Variants in NCOA1 observed in about 807,000 individuals in gnomAD.
NCOA1 encodes the protein Hin-2 protein.
Under a neutral mutation model 150.9 loss-of-function variants are expected in NCOA1, and 35 were observed. The observed-to-expected ratio is 0.23, with a 90% confidence interval of 0.18 to 0.31. The LOEUF is 0.31. Ranked by LOEUF, NCOA1 falls within the 10% of genes least tolerant of loss-of-function variation. The pLI is 1.00. For missense variants in NCOA1, 1,491 were observed against 1,749.3 expected, an observed-to-expected ratio of 0.85 and a Z score of 2.63; for synonymous variants, 590 against 630.0, an observed-to-expected ratio of 0.94 and a Z score of 0.95.
At chr2:24,583,435 A>T (rs551651037) in intron 2 of NCOA1, among the ~76,000 whole-genome samples, 113 of 152,294 alleles carry the variant, frequency 7.4e-4, no homozygotes, top group African/African-American at 2.7e-3. Flanking sequence ...GGGCACTCAT[A>T]CACTATTTGT....
intron 9 of NCOA1, among the ~76,000 whole-genome samples, 168 bp from the exon 10 acceptor site, chr2:24,693,084 G>A (rs944018182): frequency 2.0e-5 from 3 of 152,144 alleles, no homozygotes; most frequent in African/African-American, 7.2e-5. Flanking sequence ...GCATGGTCTC[G>A]ATCTTGTGAT....
At chr2:24,548,328 C>T (rs530260916) in intron 1 of NCOA1, among the ~76,000 whole-genome samples, 6 of 152,318 alleles carry the variant, frequency 3.9e-5, no homozygotes, top group South Asian at 2.1e-4. Flanking sequence ...TTCACTACCA[C>T]GAGAACAGCA....
At chr2:24,547,721 G>A (rs1665658586) in intron 1 of NCOA1, among the ~76,000 whole-genome samples, 1 of 151,912 alleles carries the variant, frequency 6.6e-6, no homozygotes, top group African/African-American at 2.4e-5. Context: ...AGGTGCAATG[G>A]CTCATGCCTG....
At chr2:24,584,208 T>TA (rs201472368) in intron 2 of NCOA1, among the ~76,000 whole-genome samples, 2,222 of 152,282 alleles carry the variant, frequency 0.015, 17 homozygotes, top group Non-Finnish European at 0.023. Flanking sequence ...TTTCAAATGA[T>TA]AAAAAAGAAG....
chr2:24,502,975 G>T (rs1184786321), intron 1 of NCOA1, among the ~76,000 whole-genome samples: 3 of 152,148 alleles, frequency 2.0e-5, no homozygotes, highest in Non-Finnish European at 4.4e-5. Flanking sequence ...CCTGTCTCCT[G>T]TATTAGGGTA....
intron 3 of NCOA1, among the ~76,000 whole-genome samples, chr2:24,640,623 GA>G (rs1465510347): frequency 3.9e-5 from 6 of 152,174 alleles, no homozygotes; most frequent in Middle Eastern, 3.4e-3. Context: ...GCCTGGGCAA[GA>G]CCCCATCTCT....
chr2:24,741,826 C>G lies in NCOA1; in HGVS notation c.3346C>G (p.Leu1116Val), dbSNP rs1392157505. The G allele has an allele frequency of 3.7e-6, 6 of 1,614,156 alleles. No individual in the cohort carries two copies. In the East Asian group the frequency reaches 1.3e-4, roughly 36 times the overall value. ...AATGTTGGCACAACGTCAGCGGGAA[C>G]TGTACAGTCAACAGCACCGACAGAG... The part of the protein sequence containing the change: ...AQMLAQRQRE[L>V]YSQQHRQRQL... The change falls in exon 19 of 23, where the codon CTG becomes GTG. Residue 1116 changes from leucine (L) to valine (V), a missense_variant. Transcript: ENST00000348332.
chr2:24,548,435 A>C (rs570870903), intron 1 of NCOA1, among the ~76,000 whole-genome samples: 1 of 152,330 alleles, frequency 6.6e-6, no homozygotes, highest in East Asian at 1.9e-4. Context: ...ACACAGTCAA[A>C]CCATATCATT....
chr2:24,523,335 A>C (rs1204373723), intron 1 of NCOA1, among the ~76,000 whole-genome samples: 1 of 152,016 alleles, frequency 6.6e-6, no homozygotes, highest in African/African-American at 2.4e-5. Context: ...GGCCGGGAGC[A>C]GTGGCTCACG....
In NCOA1 at chr2:24,708,196, A is replaced by G. The variant is rs151143792; in HGVS notation, c.2418+308A>G. On this transcript the variant is annotated intron_variant, in intron 13 of 22. Transcript: ENST00000348332. ...CTGCCCCTCTCTCCCAGCCCTACCT[A>G]TTGAATCTAACTCTCTAGGAATAAA... is the stretch of plus-strand genomic sequence containing the variant. Among the ~76,000 whole-genome samples the G allele has an allele frequency of 2.6e-5, 4 of 152,282 alleles. No homozygotes were observed. The East Asian group carries it at 5.8e-4, about 22-fold the overall frequency.
intron 3 of NCOA1, among the ~76,000 whole-genome samples, chr2:24,598,699 A>G (rs936024070): frequency 2.6e-5 from 4 of 152,080 alleles, no homozygotes; most frequent in African/African-American, 9.7e-5. Context: ...AAAACAAAAA[A>G]CTTCTAGGAG....
chr2:24,595,882 T>G (rs1028888485), intron 3 of NCOA1, among the ~76,000 whole-genome samples: 1 of 152,184 alleles, frequency 6.6e-6, no homozygotes, highest in Non-Finnish European at 1.5e-5. Context: ...TGTGATACTG[T>G]GTCATCTCTT....
chr2:24,762,845 A>G (rs548321158), intron 22 of NCOA1, 69 bp downstream of exon 22: 20 of 1,379,236 alleles, frequency 1.5e-5, no homozygotes, highest in East Asian at 6.9e-5. Flanking sequence ...ATTGTGTAGC[A>G]TCATTAAGAG....
intron 8 of NCOA1, among the ~76,000 whole-genome samples, chr2:24,691,160 A>C (rs2148559219): frequency 6.6e-6 from 1 of 152,268 alleles, no homozygotes; most frequent in African/African-American, 2.4e-5. Flanking sequence ...CCAACTGAAA[A>C]ACTCATTAAC....
chr2:24,687,219 G>T lies in NCOA1; in HGVS notation c.532+4091G>T, dbSNP rs1318767949. Among the ~76,000 whole-genome samples, 3 of 152,068 alleles carry T rather than the reference G, an allele frequency of 2.0e-5. 1 individual carries two copies. Among genetic ancestry groups the T allele is most frequent in the South Asian group, 4.2e-4 (2 of 4,808 alleles). The stretch of plus-strand genomic sequence containing the variant: ...CTTTTACCTGAACTGAGTGTGATTA[G>T]ATATTTAGCTCTTCTTCTAGTAACA... On this transcript the variant is annotated intron_variant, in intron 8 of 22. Transcript: ENST00000348332.
intron 14 of NCOA1, 83 bp from the exon 15 acceptor site, chr2:24,726,506 C>G (rs1254667866): frequency 1.4e-6 from 1 of 734,750 alleles, no homozygotes; most frequent in African/African-American, 1.8e-5. Flanking sequence ...AGAAATCTCA[C>G]TCTCCAATAT....
intron 2 of NCOA1, among the ~76,000 whole-genome samples, chr2:24,576,286 T>A (rs765208755): frequency 6.6e-6 from 1 of 150,992 alleles, no homozygotes; most frequent in Non-Finnish European, 1.5e-5. Flanking sequence ...TTTGCATGTC[T>A]CCAAGGCACT....
In NCOA1 at chr2:24,757,996, A is replaced by G; in HGVS notation, c.3905A>G (p.Asn1302Ser). Residue 1302 changes from asparagine (N) to serine (S), a missense_variant, in exon 21 of 23, where the codon AAC (asparagine) becomes AGC (serine). Transcript: ENST00000348332. Reference protein sequence around the residue: ...NNNVFSQAVQNQPTPAQPGVY... With the variant: ...NNNVFSQAVQSQPTPAQPGVY... Reference sequence around the variant, plus strand: ...AGTGTGTTCAGTCAAGCTGTCCAGAACCAGCCCACGCCTGCACAGCCAGGA... The same window carrying G: ...AGTGTGTTCAGTCAAGCTGTCCAGAGCCAGCCCACGCCTGCACAGCCAGGA... The G allele has an allele frequency of 6.2e-7, 1 of 1,614,076 alleles. No individual in the cohort carries two copies. The highest frequency in any genetic ancestry group is 1.1e-5 in the South Asian group (1 of 91,064).
rs58991961 is a variant in NCOA1, at chr2:24,642,007, C to CGTGTGTGT, written c.-174-1935_-174-1928dup. On this transcript the variant is annotated intron_variant, in intron 3 of 22. Coordinates refer to ENST00000348332, the MANE Select transcript of NCOA1 (RefSeq NM_003743.5). ...GGTATTGCCAGCAGATTACAGAGGG[C>CGTGTGTGT]GTGTGTGTGTGTGTGTGTGTGTGTG... Among the ~76,000 whole-genome samples, 1,161 of 144,976 alleles carry CGTGTGTGT rather than the reference C, an allele frequency of 8.0e-3. 21 individuals are homozygous for CGTGTGTGT. The East Asian group carries it at 0.092, about 11-fold the overall frequency.
Sources: allele counts gnomAD v4.1 joint callset (sites outside exome capture counted in the v4.1 genomes callset), GRCh38; gene constraint gnomAD v4.1.1; transcripts MANE v1.5; gene names NCBI Gene and HGNC (gene_info 2026-07-23, HGNC 2026-07-21).